The following LRMDA variants were observed in gnomAD, a reference collection of about 807,000 sequenced individuals.
The protein encoded by LRMDA is leucine-rich melanocyte differentiation-associated protein.
Under a neutral mutation model 29.8 loss-of-function variants are expected in LRMDA, and 18 were observed. The ratio of observed to expected loss-of-function variants is 0.60; its 90% CI spans 0.42 to 0.90. LRMDA has a LOEUF of 0.90. Ranked by LOEUF, LRMDA falls within the 40% of genes least tolerant of loss-of-function variation. LRMDA has a pLI of 0.00. For synonymous variants in LRMDA, 125 were observed against 109.4 expected (o/e 1.14, Z -0.89); for missense variants, 273 against 273.9 (o/e 1.00, Z 0.02).
intron 5 of LRMDA, among the ~76,000 whole-genome samples, chr10:76,176,937 G>A (rs1850947700): frequency 6.6e-6 from 1 of 152,212 alleles, no homozygotes; most frequent in Non-Finnish European, 1.5e-5. Context: ...CATCCAATTA[G>A]TGGCACCATT....
At position 75,788,316 on chromosome 10, in the gene LRMDA, C is replaced by A. The variant is rs900684292; in HGVS notation, c.132-247692C>A. Among the ~76,000 whole-genome samples the A allele has an allele frequency of 2.6e-5, 4 of 152,240 alleles. No individual in the cohort carries two copies. The East Asian group carries it at 7.7e-4, about 29-fold the overall frequency. On this transcript the variant is annotated intron_variant, in intron 2 of 6. Transcript: ENST00000611255. ...CCTGAGGTCAACAGAGACAAGGCTT[C>A]TCCTGTCTTTCTGTATCAACATCTT...
chr10:75,982,302 G>C (rs189424977), intron 2 of LRMDA, among the ~76,000 whole-genome samples: 2 of 152,304 alleles, frequency 1.3e-5, no homozygotes, highest in East Asian at 3.9e-4. Flanking sequence ...CTCTCACTTG[G>C]AAAGGGGCGA....
At chr10:75,518,229 G>T (rs953977061) in intron 2 of LRMDA, among the ~76,000 whole-genome samples, 9 of 152,164 alleles carry the variant, frequency 5.9e-5, no homozygotes, top group Admixed American at 2.0e-4. Flanking sequence ...AATGAGTTAG[G>T]GAGGATTCCC....
intron 6 of LRMDA, among the ~76,000 whole-genome samples, chr10:76,531,045 C>T (rs1053614370): frequency 6.6e-6 from 1 of 152,060 alleles, no homozygotes; most frequent in African/African-American, 2.4e-5. Context: ...GGTTTGGGGG[C>T]AGATATTTTG....
intron 5 of LRMDA, among the ~76,000 whole-genome samples, chr10:76,113,249 A>T (rs1273672013): frequency 3.9e-5 from 6 of 152,112 alleles, no homozygotes; most frequent in Non-Finnish European, 8.8e-5. Context: ...ATAGTGTCTT[A>T]GAAGATCCAA....
chr10:76,547,685 G>A (rs149905019), intron 6 of LRMDA, among the ~76,000 whole-genome samples: 5 of 152,152 alleles, frequency 3.3e-5, no homozygotes, highest in Non-Finnish European at 5.9e-5. Flanking sequence ...TCTGAAAGAT[G>A]TCTGAGTTTC....
At chr10:75,500,200 C>A (rs1182097222) in intron 2 of LRMDA, among the ~76,000 whole-genome samples, 1 of 152,144 alleles carries the variant, frequency 6.6e-6, no homozygotes, top group Non-Finnish European at 1.5e-5. Context: ...TCCAGTGACA[C>A]CCAGACCTTT....
intron 5 of LRMDA, among the ~76,000 whole-genome samples, chr10:76,298,946 A>G (rs1479073098): frequency 6.6e-6 from 1 of 152,166 alleles, no homozygotes; most frequent in Non-Finnish European, 1.5e-5. Context: ...TACAGCTCCA[A>G]AAACTTGGGG....
intron 6 of LRMDA, among the ~76,000 whole-genome samples, chr10:76,436,717 T>A (rs748580120): frequency 1.3e-5 from 2 of 152,188 alleles, no homozygotes; most frequent in Admixed American, 6.5e-5. Flanking sequence ...TCTAAATCTG[T>A]CTTGGACGTC....
At chr10:75,979,531 T>C (rs1847129451) in intron 2 of LRMDA, among the ~76,000 whole-genome samples, 1 of 152,204 alleles carries the variant, frequency 6.6e-6, no homozygotes, top group African/African-American at 2.4e-5. Flanking sequence ...TTTTATTCTA[T>C]AGATGGAGAA....
chr10:75,836,625 G>T (rs752738667), intron 2 of LRMDA, among the ~76,000 whole-genome samples: 3 of 152,118 alleles, frequency 2.0e-5, no homozygotes, highest in Admixed American at 6.6e-5. Context: ...GCACACAAAT[G>T]AGCACCCTAC....
intron 2 of LRMDA, among the ~76,000 whole-genome samples, chr10:75,615,463 T>C (rs1034175591): frequency 6.6e-6 from 1 of 152,112 alleles, no homozygotes; most frequent in Non-Finnish European, 1.5e-5. Flanking sequence ...TGCTCAAAAA[T>C]TTTTGGATTT....
At chr10:75,939,798 A>T (rs1846357784) in intron 2 of LRMDA, among the ~76,000 whole-genome samples, 1 of 152,116 alleles carries the variant, frequency 6.6e-6, no homozygotes, top group Non-Finnish European at 1.5e-5. Context: ...CCTAGTCCCC[A>T]TCCTCTGTAC....
chr10:75,689,018 A>G (rs551089019), intron 2 of LRMDA, among the ~76,000 whole-genome samples: 2 of 151,564 alleles, frequency 1.3e-5, no homozygotes, highest in South Asian at 2.1e-4. Flanking sequence ...TAACTTTTAT[A>G]TGTATGGGGA....
intron 5 of LRMDA, among the ~76,000 whole-genome samples, chr10:76,069,214 C>T (rs1226973628): frequency 6.6e-6 from 1 of 152,178 alleles, no homozygotes; most frequent in Non-Finnish European, 1.5e-5. Flanking sequence ...TCTTCTTTGT[C>T]ACTCTGACCA....
chr10:75,834,085 G>T (rs897948988), intron 2 of LRMDA, among the ~76,000 whole-genome samples: 2 of 152,144 alleles, frequency 1.3e-5, no homozygotes, highest in East Asian at 3.8e-4. Flanking sequence ...TTTCTTGTCT[G>T]TAGAACTTGC....
At chr10:75,915,383 G>A (rs1845916355) in intron 2 of LRMDA, among the ~76,000 whole-genome samples, 1 of 151,992 alleles carries the variant, frequency 6.6e-6, no homozygotes, top group Non-Finnish European at 1.5e-5. Flanking sequence ...TGATCTGCCT[G>A]TCTCGGCCTC....
chr10:75,891,104 C>T (rs982206641), intron 2 of LRMDA, among the ~76,000 whole-genome samples: 36 of 62,978 alleles, frequency 5.7e-4, no homozygotes, highest in Non-Finnish European at 9.2e-4. Context: ...GACTCAGTCT[C>T]ACAAAAAAAA....
At chr10:76,125,026 C>A (rs528388119) in intron 5 of LRMDA, among the ~76,000 whole-genome samples, 31 of 152,298 alleles carry the variant, frequency 2.0e-4, no homozygotes, top group Non-Finnish European at 4.4e-4. Context: ...CAGGAAATAT[C>A]TTTTAAATCA....
Sources: gnomAD v4.1 joint callset for allele counts (sites outside exome capture counted in the v4.1 genomes callset) on GRCh38, gnomAD v4.1.1 for gene constraint, MANE v1.5 for transcripts, NCBI Gene and HGNC (gene_info 2026-07-23, HGNC 2026-07-21) for gene names.